Variants in DCHS2 observed in about 807,000 individuals in gnomAD.
DCHS2 encodes the protein protocadherin-23.
DCHS2 carries 142 observed loss-of-function variants against 182.4 expected under a neutral mutation model. The ratio of observed to expected loss-of-function variants is 0.78; its 90% confidence interval spans 0.68 to 0.89. DCHS2 has a LOEUF of 0.89. Ranked by LOEUF, DCHS2 falls within the 40% of genes least tolerant of loss-of-function variation. DCHS2 has a pLI of 0.00. For synonymous variants in DCHS2, 1,740 were observed against 1,663.3 expected, an observed-to-expected ratio of 1.05 and a Z score of -1.12; for missense variants, 4,319 against 4,198.6, an observed-to-expected ratio of 1.03 and a Z score of -0.79.
Position 154,323,249 on chromosome 4 carries a change from TTTTG to T in DCHS2, c.4019-765_4019-762del, listed in dbSNP as rs140019361. On this transcript the variant is annotated intron_variant, in intron 7 of 19. Transcript: ENST00000357232. ...AGAACTGACCAGATTCAGGTCAGGA[TTTTG>T]TTTGTTTGTTTGTTTGTTTGTTTTT... 1,377,018 of 1,537,094 alleles carry T rather than the reference TTTTG, an allele frequency of 0.9. 622,581 individuals carry two copies. Among genetic ancestry groups the T allele is most frequent in the South Asian group, 0.93 (77,421 of 82,820 alleles).
intron 14 of DCHS2, 149 bp from the exon 15 acceptor site, chr4:154,259,905 C>A: frequency 1.1e-6 from 1 of 935,006 alleles, no homozygotes; most frequent in Non-Finnish European, 1.5e-6. Flanking sequence ...TCACTGCAAC[C>A]TACGCCTCCC....
At chr4:154,313,430 A>G (rs1312030266) in intron 10 of DCHS2, among the ~76,000 whole-genome samples, 1 of 152,208 alleles carries the variant, frequency 6.6e-6, no homozygotes, top group Non-Finnish European at 1.5e-5. Context: ...TTACATTTTT[A>G]AAAACTGCAT....
chr4:154,373,833 G>T (rs1286164224), intron 2 of DCHS2: 3 of 1,068,338 alleles, frequency 2.8e-6, no homozygotes, highest in Admixed American at 4.1e-5. Context: ...AGCACTCAGG[G>T]GAGAAGGAAA....
intron 1 of DCHS2, among the ~76,000 whole-genome samples, chr4:154,459,241 G>A (rs1734904058): frequency 6.6e-6 from 1 of 152,082 alleles, no homozygotes. Context: ...GAATAGCCCT[G>A]AAGGTAGAGT....
At chr4:154,320,223 A>T (rs886451595) in intron 9 of DCHS2, among the ~76,000 whole-genome samples, 156 bp downstream of exon 9, 1 of 152,226 alleles carries the variant, frequency 6.6e-6, no homozygotes, top group African/African-American at 2.4e-5. Context: ...TCAGTTAAGC[A>T]AGGTAAATAA....
Position 154,323,448 on chromosome 4 carries a change from G to T in DCHS2, c.4019-960C>A, listed in dbSNP as rs1736159427. The stretch of plus-strand genomic sequence containing the variant: ...GGTCGCAAGCTATCCTCACACCTTG[G>T]CCTCCCAGATAGCTGGGACTACAGG... On this transcript the variant is annotated intron_variant, in intron 7 of 19. Transcript: ENST00000357232. 5 of 1,407,004 alleles carry T rather than the reference G, an allele frequency of 3.6e-6. No homozygotes were observed. The Admixed American group carries it at 1.0e-4, about 29-fold the overall frequency. The allele number at this position is 1,407,004 out of a possible 1,614,324, so 87.2% of individuals were successfully genotyped here.
Position 154,235,315 on chromosome 4 carries a change from G to T in DCHS2, c.9337C>A (p.His3113Asn), listed in dbSNP as rs1421234468. 1 of 1,614,090 alleles carries T rather than the reference G, an allele frequency of 6.2e-7. No homozygotes were observed. Among genetic ancestry groups the T allele is most frequent in the Non-Finnish European group, 8.5e-7 (1 of 1,179,972 alleles). The stretch of plus-strand genomic sequence containing the variant: ...GAGTCTGAGCACTTTCTGTAGGGAT[G>T]CTCATTTATCCTCTGGATTTCCTTA... ...EDKEIQRINE[H>N]PYRKCSDSAL... is the part of the protein sequence containing the mutation. The change falls in exon 20 of 20, where the codon CAT (histidine) becomes AAT (asparagine). Residue 3113 changes from histidine (H) to asparagine (N), a missense_variant. His to Asn is a moderately conservative substitution (Grantham distance 68). Coordinates refer to ENST00000357232, the MANE Select transcript of DCHS2 (RefSeq NM_001358235.2).
chr4:154,299,834 G>C (rs181463518), intron 12 of DCHS2, among the ~76,000 whole-genome samples: 42 of 152,274 alleles, frequency 2.8e-4, no homozygotes, highest in Non-Finnish European at 4.9e-4. Flanking sequence ...CAGTCTAAAA[G>C]GAAAGGCTGG....
In DCHS2 at chr4:154,236,702, G is replaced by T. The variant is rs1284661296; in HGVS notation, c.7950C>A (p.Val2650=). The part of the protein sequence containing the change: ...SGCPPLSSTA[V]ISIQVLDVND... ...TGACATCAAGTACTTGTATTGATAT[G>T]ACAGCTGTGGAACTCAATGGAGGGC... Residue 2650 remains valine, a synonymous_variant, in exon 20 of 20, where the codon GTC becomes GTA. Coordinates refer to ENST00000357232, the MANE Select transcript of DCHS2 (RefSeq NM_001358235.2). The T allele has an allele frequency of 1.9e-6, 3 of 1,613,842 alleles. No individual in the cohort carries two copies. Among genetic ancestry groups the T allele is most frequent in the African/African-American group, 2.7e-5 (2 of 74,928 alleles).
chr4:154,287,670 A>T (rs1734465657), intron 13 of DCHS2, among the ~76,000 whole-genome samples: 1 of 151,986 alleles, frequency 6.6e-6, no homozygotes, highest in South Asian at 2.1e-4. Flanking sequence ...TTAAGTAGAG[A>T]TGGGTTTCAT....
chr4:154,335,230 T>C (rs749131360), intron 3 of DCHS2, 126 bp from the exon 4 acceptor site: 11 of 689,602 alleles, frequency 1.6e-5, no homozygotes, highest in Admixed American at 2.3e-5. Context: ...GGCCACAGGA[T>C]GTCCAGGCAT....
chr4:154,426,599 C>A (rs1399794972), intron 1 of DCHS2, among the ~76,000 whole-genome samples: 6 of 151,980 alleles, frequency 3.9e-5, no homozygotes, highest in African/African-American at 1.2e-4. Flanking sequence ...TATTTGACAG[C>A]ACAACTGGGT....
Position 154,298,331 on chromosome 4 carries a change from G to A in DCHS2, c.5983C>T (p.Leu1995Phe). 6.2e-7 allele frequency: 1 copy of A among 1,614,046 alleles called. No homozygotes were observed. The highest frequency in any genetic ancestry group is 2.2e-5 in the East Asian group (1 of 44,892). The change falls in exon 13 of 20, where the codon CTC becomes TTC. Residue 1995 changes from leucine (L) to phenylalanine (F), a missense_variant. By Grantham distance (22) the Leu-to-Phe change is conservative. Coordinates refer to ENST00000357232, the MANE Select transcript of DCHS2 (RefSeq NM_001358235.2). ...MSGTLKTSNT[L>F]DREARSQHTF... ...TGCTGAGATCTGGCTTCACGGTCGA[G>A]GGTGTTGCTGGTTTTCAATGTGCCT... is the stretch of plus-strand genomic sequence containing the variant.
intron 3 of DCHS2, among the ~76,000 whole-genome samples, chr4:154,348,847 G>A (rs1169798163): frequency 6.6e-6 from 1 of 151,940 alleles, no homozygotes; most frequent in African/African-American, 2.4e-5. Flanking sequence ...GCTTTGTTAT[G>A]GCAGCCCTAG....
chr4:154,377,296 C>A lies in DCHS2; in HGVS notation c.2201G>T (p.Arg734Met), dbSNP rs987382642. Residue 734 changes from arginine to methionine, a missense_variant, in exon 2 of 20, where the codon AGG becomes ATG. Arg to Met is a moderately conservative substitution (Grantham distance 91, BLOSUM62 -1). Transcript: ENST00000357232. ...CAGGAGATCATAGGTAGCTGGATCCCTTTCCCTGTCGATATCTTGAGAAAC... is the reference window on the plus strand; with the variant it reads ...CAGGAGATCATAGGTAGCTGGATCCATTTCCCTGTCGATATCTTGAGAAAC... Reference protein sequence around the residue: ...ICVSQDIDRERDPATYDLLVE... With the variant: ...ICVSQDIDREMDPATYDLLVE... 1.2e-6 allele frequency: 2 copies of A among 1,613,512 alleles called. No homozygotes were observed. Among genetic ancestry groups the A allele is most frequent in the East Asian group, 4.5e-5 (2 of 44,886 alleles).
At chr4:154,384,367 C>T (rs2110828228) in intron 1 of DCHS2, 1 of 1,612,812 alleles carries the variant, frequency 6.2e-7, no homozygotes. Context: ...ACTGACCTCA[C>T]CTCAGTTTCC....
At chr4:154,459,734 TTCTCTCTCTCTCTC>T (rs60259256) in intron 1 of DCHS2, among the ~76,000 whole-genome samples, 3,497 of 135,180 alleles carry the variant, frequency 0.026, 103 homozygotes, top group East Asian at 0.17. Flanking sequence ...TATCTACACA[TTCTCTCTCTCTCTC>T]TCTCTCTCTC....
rs115603707 is a variant in DCHS2 at position 154,461,202 on chromosome 4, C to T, written c.2052+28102G>A. ...CAAAATTCAAATGCAATTTTAGGCC[C>T]GTCATCTAACAATGTAGAGTTTTTC... On this transcript the variant is annotated intron_variant, in intron 1 of 19. Coordinates refer to ENST00000357232, the MANE Select transcript of DCHS2 (RefSeq NM_001358235.2). Among the ~76,000 whole-genome samples the T allele has an allele frequency of 4.5e-3, 685 of 152,250 alleles. 4 individuals carry two copies. Among genetic ancestry groups the T allele is most frequent in the Non-Finnish European group, 6.7e-3 (453 of 68,004 alleles).
chr4:154,371,814 A>G (rs1185070132), intron 2 of DCHS2, among the ~76,000 whole-genome samples: 2 of 152,144 alleles, frequency 1.3e-5, no homozygotes, highest in African/African-American at 4.8e-5. Context: ...ACCAGATCTC[A>G]TGAGAACTCA....
Sources: allele counts gnomAD v4.1 joint callset (sites outside exome capture counted in the v4.1 genomes callset), GRCh38; gene constraint gnomAD v4.1.1; transcripts MANE v1.5; gene names NCBI Gene and HGNC (gene_info 2026-07-23, HGNC 2026-07-21).